The following DSCAML1 variants were observed in gnomAD, a reference collection of about 807,000 sequenced individuals.
The protein encoded by DSCAML1 is DS cell adhesion molecule like 1.
DSCAML1 carries 38 observed loss-of-function variants against 200.5 expected under a neutral mutation model. The ratio of observed to expected loss-of-function variants is 0.19; its 90% CI spans 0.15 to 0.25. The LOEUF is 0.25. Among genes scored for constraint, DSCAML1 ranks in the 10% least tolerant of loss-of-function variants. The pLI, the probability that DSCAML1 is intolerant of heterozygous loss-of-function variation, is 1.00. For missense variants in DSCAML1, 2,223 were observed against 2,858.8 expected (o/e 0.78, Z 5.07); for synonymous variants, 1,215 against 1,165.0 (o/e 1.04, Z -0.87).
Position 117,503,879 on chromosome 11 carries a change from G to A in DSCAML1, c.2325C>T (p.Thr775=), listed in dbSNP as rs2049443198. ...YLCQASNGVG[T]DISKSMFLTV... ...TGAGGAACATGGACTTGCTGATGTCGGTGCCTACGCCGTTGCTGGCCTGGC... is the reference window on the plus strand; with the variant it reads ...TGAGGAACATGGACTTGCTGATGTCAGTGCCTACGCCGTTGCTGGCCTGGC... Residue 775 remains threonine (T), a synonymous_variant, in exon 11 of 33, where the codon ACC becomes ACT. Transcript: ENST00000651296. This position sits in a 1 kb window ranked among gnomAD's most constrained non-coding sequence, Gnocchi z 5.2. The A allele has an allele frequency of 5.0e-6, 8 of 1,614,114 alleles. No homozygotes were observed. The highest frequency in any genetic ancestry group is 1.7e-4 in the Middle Eastern group (1 of 6,058).
At chr11:117,500,250 CTCTA>C (rs1345411875) in intron 11 of DSCAML1, among the ~76,000 whole-genome samples, 9 of 152,208 alleles carry the variant, frequency 5.9e-5, no homozygotes, top group African/African-American at 2.2e-4. Flanking sequence ...AAATTGATGA[CTCTA>C]TCTCAGATTC....
At chr11:117,799,359 G>T (rs1208683580), upstream of DSCAML1, among the ~76,000 whole-genome samples, 3 of 152,214 alleles carry the variant, frequency 2.0e-5, no homozygotes, top group African/African-American at 7.2e-5. Context: ...TAGCGGCACA[G>T]CTGCTCCGTG....
chr11:117,718,122 C>T (rs1006996626), intron 3 of DSCAML1, among the ~76,000 whole-genome samples: 4 of 152,260 alleles, frequency 2.6e-5, no homozygotes, highest in African/African-American at 4.8e-5. Flanking sequence ...GCATCCGGAA[C>T]ACAGCGTAAA....
At chr11:117,660,226 C>G (rs1328347328) in intron 3 of DSCAML1, among the ~76,000 whole-genome samples, 1 of 152,194 alleles carries the variant, frequency 6.6e-6, no homozygotes, top group Non-Finnish European at 1.5e-5. Flanking sequence ...ATGCCGAGCT[C>G]CAGGTGGGGA....
chr11:117,448,036 C>T (rs1470031645), intron 20 of DSCAML1, among the ~76,000 whole-genome samples: 1 of 152,146 alleles, frequency 6.6e-6, no homozygotes, highest in East Asian at 1.9e-4. Flanking sequence ...ATCAGCAGGA[C>T]TTGTGTGATA....
intron 3 of DSCAML1, among the ~76,000 whole-genome samples, chr11:117,647,203 A>G (rs994398244): frequency 2.0e-5 from 3 of 152,208 alleles, no homozygotes; most frequent in African/African-American, 7.2e-5. Flanking sequence ...CAGCAAAGAC[A>G]TAGACATGGG....
rs754338694 is a variant in DSCAML1, at chr11:117,726,262, TGTGC to T, written c.511+50525_511+50528del. Among the ~76,000 whole-genome samples, 50 of 142,882 alleles carry T rather than the reference TGTGC, an allele frequency of 3.5e-4. 1 individual carries two copies. Among genetic ancestry groups the T allele is most frequent in the South Asian group, 2.2e-3 (10 of 4,560 alleles). The allele number at this position is 142,882 out of a possible 152,430, so 93.7% of individuals were successfully genotyped here. ...TTGTGTGTGTATCTCTGTGTGTGTG[TGTGC>T]GTGTGTGTGTGTGTGTGTGTGTGTG... is the stretch of plus-strand genomic sequence containing the variant. On this transcript the variant is annotated intron_variant, in intron 3 of 32. Transcript: ENST00000651296.
chr11:117,728,888 C>G (rs1212602911), intron 3 of DSCAML1, among the ~76,000 whole-genome samples: 1 of 152,154 alleles, frequency 6.6e-6, no homozygotes, highest in Non-Finnish European at 1.5e-5. Context: ...CAGTCCCTAG[C>G]AGAATTCCAG....
intron 11 of DSCAML1, among the ~76,000 whole-genome samples, chr11:117,492,236 A>G (rs2049196466): frequency 6.6e-6 from 1 of 152,110 alleles, no homozygotes; most frequent in African/African-American, 2.4e-5. Context: ...AGGCAACGGG[A>G]TTGGAAGAAG....
chr11:117,516,373 A>T lies in DSCAML1; in HGVS notation c.1783+94T>A. On this transcript the variant is annotated intron_variant, in intron 8 of 32. Coordinates refer to ENST00000651296, the MANE Select transcript of DSCAML1 (RefSeq NM_020693.4). This position sits in a 1 kb window ranked among gnomAD's most constrained non-coding sequence, Gnocchi z 5.7. ...TTGCTCAGCCTTCCGTTCACCCAGGATTGCCTATTGTTGTCTGAGTCCCAG... is the reference window on the plus strand; with the variant it reads ...TTGCTCAGCCTTCCGTTCACCCAGGTTTGCCTATTGTTGTCTGAGTCCCAG... 6.8e-7 allele frequency: 1 copy of T among 1,473,984 alleles called. No homozygotes were observed. Among genetic ancestry groups the T allele is most frequent in the Non-Finnish European group, 9.2e-7 (1 of 1,090,938 alleles). 91.3% of individuals were successfully genotyped at this position (1,473,984 alleles called of 1,614,324 possible). A position where few individuals can be genotyped will look rare whatever the true frequency, so the allele number is the denominator to read the frequency against.
intron 3 of DSCAML1, among the ~76,000 whole-genome samples, chr11:117,765,630 G>A (rs533063152): frequency 6.6e-6 from 1 of 152,304 alleles, no homozygotes; most frequent in South Asian, 2.1e-4. Context: ...AGGAAAAATT[G>A]AAAACCTACG....
chr11:117,726,063 C>T (rs906181952), intron 3 of DSCAML1, among the ~76,000 whole-genome samples: 2 of 152,146 alleles, frequency 1.3e-5, no homozygotes, highest in African/African-American at 4.8e-5. Context: ...ATGGATCATC[C>T]CCAGAGGGCA....
chr11:117,646,941 C>A (rs113518581), intron 3 of DSCAML1, among the ~76,000 whole-genome samples: 1 of 152,082 alleles, frequency 6.6e-6, no homozygotes, highest in African/African-American at 2.4e-5. Flanking sequence ...CCAGACTGAT[C>A]GTGACGTGAG....
Position 117,431,692 on chromosome 11 carries a change from C to T in DSCAML1, c.5216G>A (p.Ser1739Asn). The T allele has an allele frequency of 1.2e-6, 2 of 1,602,606 alleles. No homozygotes were observed. Among genetic ancestry groups the T allele is most frequent in the South Asian group, 2.2e-5 (2 of 89,420 alleles). Residue 1739 changes from serine to asparagine, a missense_variant, in exon 31 of 33, where the codon AGC becomes AAC. By Grantham distance (46) the Ser-to-Asn change is conservative (BLOSUM62 1). Transcript: ENST00000651296. ...VSRKNVKSAH[S>N]TRNRYSSQWT... ...CTGGCTTGAGTACCGGTTCCGGGTG[C>T]TGTGGGCTGACTTCACATTCTTCCT...
At chr11:117,526,664 C>T (rs2049983898) in intron 4 of DSCAML1, among the ~76,000 whole-genome samples, 1 of 151,920 alleles carries the variant, frequency 6.6e-6, no homozygotes, top group Admixed American at 6.6e-5. Flanking sequence ...ATTACAGGTG[C>T]CCGCCACCAT....
At chr11:117,547,788 G>A (rs1010874314) in intron 3 of DSCAML1, among the ~76,000 whole-genome samples, 2 of 152,112 alleles carry the variant, frequency 1.3e-5, no homozygotes, top group South Asian at 2.1e-4. Context: ...AAAACATCTC[G>A]TGGCTTCCTA....
intron 3 of DSCAML1, among the ~76,000 whole-genome samples, chr11:117,673,036 C>T (rs557971247): frequency 6.6e-6 from 1 of 152,270 alleles, no homozygotes; most frequent in East Asian, 1.9e-4. Flanking sequence ...CTCCCCTGTG[C>T]TTGCTCATCT....
chr11:117,512,801 A>ACCCC (rs1555179367), intron 8 of DSCAML1, among the ~76,000 whole-genome samples: 1 of 106,752 alleles, frequency 9.4e-6, no homozygotes, highest in Admixed American at 9.1e-5. Flanking sequence ...ACACACACAC[A>ACCCC]CCCCTCCCCT....
chr11:117,561,591 C>T (rs985183537), intron 3 of DSCAML1, among the ~76,000 whole-genome samples: 1 of 152,230 alleles, frequency 6.6e-6, no homozygotes, highest in Non-Finnish European at 1.5e-5. Flanking sequence ...CTCCTCTCCT[C>T]TCCTCTGGGC....
Sources: gnomAD v4.1 joint callset for allele counts (sites outside exome capture counted in the v4.1 genomes callset) on GRCh38, gnomAD v4.1.1 for gene constraint, Gnocchi (gnomAD v3.1) non-coding constraint, MANE v1.5 for transcripts, NCBI Gene and HGNC (gene_info 2026-07-23, HGNC 2026-07-21) for gene names.